ATG7: variants seen among roughly 807,000 people sequenced by gnomAD.
ATG7 encodes ubiquitin-like modifier-activating enzyme ATG7.
In ATG7, 70 loss-of-function variants were observed where a neutral mutation model predicts 82.4. The observed-to-expected ratio is 0.85, with a 90% CI of 0.70 to 1.04. ATG7 has a LOEUF of 1.04. ATG7 is among the 50% of genes least tolerant of loss of function. The probability of loss-of-function intolerance (pLI) is 0.00; values close to 1 mark genes in which losing one functional copy is unlikely to be tolerated. For missense variants in ATG7, 792 were observed against 864.3 expected, an observed-to-expected ratio of 0.92 and a Z score of 1.05; for synonymous variants, 287 against 313.0, an observed-to-expected ratio of 0.92 and a Z score of 0.88.
chr3:11,505,087 G>A (rs2091616413), intron 20 of ATG7, among the ~76,000 whole-genome samples: 1 of 152,200 alleles, frequency 6.6e-6, no homozygotes, highest in Admixed American at 6.5e-5. Context: ...AGTCTCTACG[G>A]AGTATAGTAT....
At chr3:11,389,257 A>T (rs952035462) in intron 19 of ATG7, among the ~76,000 whole-genome samples, 68 of 149,228 alleles carry the variant, frequency 4.6e-4, no homozygotes, top group African/African-American at 1.6e-3. Flanking sequence ...AAAAAAAAAA[A>T]GATGTGAAAG....
At chr3:11,398,430 T>C (rs2079513991) in intron 19 of ATG7, among the ~76,000 whole-genome samples, 1 of 152,126 alleles carries the variant, frequency 6.6e-6, no homozygotes, top group Non-Finnish European at 1.5e-5. Context: ...AACTAGAAAA[T>C]CATCCCCATG....
At chr3:11,467,134 CAA>C in intron 20 of ATG7, among the ~76,000 whole-genome samples, 1 of 37,294 alleles carries the variant, frequency 2.7e-5, no homozygotes, top group Non-Finnish European at 4.2e-5. Context: ...CAGAAAAAAA[CAA>C]AAACAAACAA....
intron 1 of ATG7, among the ~76,000 whole-genome samples, chr3:11,275,704 G>T (rs991287097): frequency 1.3e-5 from 2 of 151,906 alleles, no homozygotes; most frequent in African/African-American, 4.8e-5. Context: ...TGCGATTAAG[G>T]CCTGATTGTA....
At chr3:11,538,129 C>G (rs190773720) in intron 20 of ATG7, among the ~76,000 whole-genome samples, 3 of 152,122 alleles carry the variant, frequency 2.0e-5, no homozygotes, top group African/African-American at 4.8e-5. Flanking sequence ...GGGAACCTGA[C>G]GGAAGGTTGG....
chr3:11,440,323 C>CTTTTTTTTTTT (rs59365367), intron 20 of ATG7, among the ~76,000 whole-genome samples: 1 of 113,844 alleles, frequency 8.8e-6, no homozygotes. Context: ...GGCCTTTACT[C>CTTTTTTTTTTT]TTTTTTTTTT....
intron 20 of ATG7, among the ~76,000 whole-genome samples, chr3:11,533,360 C>T (rs1007099476): frequency 1.3e-5 from 2 of 151,318 alleles, no homozygotes; most frequent in African/African-American, 4.9e-5. Context: ...ATTTTTTTTC[C>T]AGTCCAGCTT....
At chr3:11,558,332 A>G, downstream of ATG7, 1 of 692,722 alleles carries the variant, frequency 1.4e-6, no homozygotes, top group Non-Finnish European at 2.3e-6. Context: ...CATTAGACAG[A>G]TGTTCCACGC....
At chr3:11,445,019 C>T (rs2084384119) in intron 20 of ATG7, among the ~76,000 whole-genome samples, 1 of 152,146 alleles carries the variant, frequency 6.6e-6, no homozygotes, top group Admixed American at 6.5e-5. Context: ...CATCTCACAC[C>T]AGTCAGAACG....
chr3:11,477,314 G>A, intron 20 of ATG7: 1 of 1,191,222 alleles, frequency 8.4e-7, no homozygotes, highest in Non-Finnish European at 1.1e-6. Flanking sequence ...AAGAATTTTT[G>A]TGCTACAAAC....
intron 20 of ATG7, among the ~76,000 whole-genome samples, chr3:11,441,158 T>C (rs942308058): frequency 2.6e-5 from 4 of 152,240 alleles, no homozygotes; most frequent in Non-Finnish European, 5.9e-5. Context: ...TCTGTGTTTA[T>C]CCTACCTTAA....
rs79444831 is a variant in ATG7 at position 11,539,039 on chromosome 3, G to A, written c.2080-15772G>A. ...AAGCTTTAATCTGGCTGTAATACAA[G>A]GTCGATTACCCACAGCTTCCAAGAA... On this transcript the variant is annotated intron_variant, in intron 20 of 20. Coordinates refer to ENST00000693202, the MANE Select transcript of ATG7 (RefSeq NM_001349232.2). Among the ~76,000 whole-genome samples the A allele has an allele frequency of 1.1e-3, 163 of 152,172 alleles. 4 individuals are homozygous for A. The East Asian group carries it at 0.019, about 18-fold the overall frequency.
chr3:11,549,937 CTG>C lies in ATG7; in HGVS notation c.2080-4872_2080-4871del, dbSNP rs149247750. 8.3e-3 allele frequency among the ~76,000 whole-genome samples: 1,259 copies of C among 152,292 alleles called. 14 individuals carry two copies. Among genetic ancestry groups the C allele is most frequent in the African/African-American group, 0.028 (1,164 of 41,554 alleles). On this transcript the variant is annotated intron_variant, in intron 20 of 20. Coordinates refer to ENST00000693202, the MANE Select transcript of ATG7 (RefSeq NM_001349232.2). Reference sequence around the variant, plus strand: ...CAGCTCTCCGAGGAGGTGGGGTGCACTGTCTCTTTATGGTTTTGATTTGCATT... The same window carrying C: ...CAGCTCTCCGAGGAGGTGGGGTGCACTCTCTTTATGGTTTTGATTTGCATT...
intron 20 of ATG7, among the ~76,000 whole-genome samples, chr3:11,543,898 A>AG (rs2071047333): frequency 6.6e-6 from 1 of 151,000 alleles, no homozygotes; most frequent in African/African-American, 2.4e-5. Flanking sequence ...CTGGGGATGG[A>AG]GGGTGGGCAG....
downstream of ATG7, among the ~76,000 whole-genome samples, chr3:11,562,044 C>T (rs1185082869): frequency 6.6e-6 from 1 of 151,942 alleles, no homozygotes; most frequent in Non-Finnish European, 1.5e-5. Flanking sequence ...ATTACAGGCA[C>T]CCACCACCAC....
the ATG7 span, among the ~76,000 whole-genome samples, chr3:11,573,320 A>G: frequency 0.01 from 274 of 27,292 alleles, 9 homozygotes; most frequent in East Asian, 0.032. Context: ...AGGAAGGAAG[A>G]AAGAAAGAAA....
At chr3:11,488,601 G>T (rs921749702) in intron 20 of ATG7, 2 of 514,256 alleles carry the variant, frequency 3.9e-6, no homozygotes, top group Non-Finnish European at 5.6e-6. Context: ...CTAAGCCACC[G>T]ACCCCAGCCC....
intron 20 of ATG7, among the ~76,000 whole-genome samples, chr3:11,490,831 T>G (rs2090270179): frequency 6.6e-6 from 1 of 152,248 alleles, no homozygotes; most frequent in Non-Finnish European, 1.5e-5. Context: ...GAGTTTCTGC[T>G]GAGACATCAG....
intron 20 of ATG7, chr3:11,488,483 TGGGGCCCGC>T: frequency 1.6e-6 from 2 of 1,278,482 alleles, no homozygotes; most frequent in Non-Finnish European, 2.0e-6. Flanking sequence ...TATCTGCAGC[TGGGGCCCGC>T]GGGTGTCAGC....
Sources: allele counts gnomAD v4.1 joint callset (sites outside exome capture counted in the v4.1 genomes callset), GRCh38; gene constraint gnomAD v4.1.1; transcripts MANE v1.5; gene names NCBI Gene and HGNC (gene_info 2026-07-23, HGNC 2026-07-21).